The following PLAT variants were observed in gnomAD, a reference collection of about 807,000 sequenced individuals.
The protein encoded by PLAT is tissue-type plasminogen activator.
PLAT carries 48 observed loss-of-function variants against 74.9 expected under a neutral mutation model. The observed-to-expected ratio is 0.64, with a 90% CI of 0.51 to 0.82. PLAT has a LOEUF of 0.82. Ranked by LOEUF, PLAT falls within the 40% of genes least tolerant of loss-of-function variation. The pLI is 0.00. For missense variants in PLAT, 673 were observed against 736.2 expected, an observed-to-expected ratio of 0.91 and a Z score of 0.99; for synonymous variants, 307 against 294.4, an observed-to-expected ratio of 1.04 and a Z score of -0.44.
intron 1 of PLAT, among the ~76,000 whole-genome samples, chr8:42,205,293 G>A (rs184904887): frequency 1.3e-3 from 194 of 152,322 alleles, no homozygotes; most frequent in Middle Eastern, 6.8e-3. Context: ...TCGGGGGGCC[G>A]AGGTGGGTGG....
At chr8:42,183,016 T>C in intron 7 of PLAT, 126 bp from the exon 8 acceptor site, 1 of 664,676 alleles carries the variant, frequency 1.5e-6, no homozygotes, top group South Asian at 1.8e-5. Context: ...CTGAGAAGAG[T>C]GTAACACCTC....
At chr8:42,206,530 C>T (rs1474251973) in intron 1 of PLAT, 1 of 152,250 alleles carries the variant, frequency 6.6e-6, no homozygotes, top group Non-Finnish European at 1.5e-5. Context: ...CATACACACA[C>T]ACACGACATT....
At chr8:42,185,349 C>T (rs535188024) in intron 6 of PLAT, 177 bp from the exon 7 acceptor site, 23 of 428,320 alleles carry the variant, frequency 5.4e-5, no homozygotes, top group African/African-American at 3.5e-4. Context: ...CTGCAACCTC[C>T]GTTTCCTGGA....
chr8:42,191,253 C>T lies in PLAT; in HGVS notation c.115+119G>A, dbSNP rs1235114941. 1.6e-5 allele frequency: 13 copies of T among 803,718 alleles called. No homozygotes were observed. In the Admixed American group the frequency reaches 2.0e-4, roughly 12 times the overall value. The allele number at this position is 803,718 out of a possible 1,614,324, so 49.8% of individuals were successfully genotyped here. A position where few individuals can be genotyped will look rare whatever the true frequency, so the allele number is the denominator to read the frequency against. On this transcript the variant is annotated intron_variant, in intron 3 of 13. Transcript: ENST00000220809. ...TCTGTAGAATCATGCTGCAATGGCA[C>T]TGTCACACCGTAGGCAGGTGGTGGG...
intron 6 of PLAT, chr8:42,186,826 ATCTT>A (rs1805480844): frequency 6.6e-6 from 1 of 151,492 alleles, no homozygotes; most frequent in Non-Finnish European, 1.5e-5. Flanking sequence ...TCATCTATCA[ATCTT>A]CTATCATCTA....
At chr8:42,201,571 C>G (rs1273657203) in intron 1 of PLAT, among the ~76,000 whole-genome samples, 2 of 152,180 alleles carry the variant, frequency 1.3e-5, no homozygotes, top group East Asian at 3.8e-4. Flanking sequence ...AACCAATTCT[C>G]TGCAATTGAT....
intron 1 of PLAT, among the ~76,000 whole-genome samples, chr8:42,202,974 G>A (rs1806192791): frequency 6.6e-6 from 1 of 152,136 alleles, no homozygotes; most frequent in Admixed American, 6.5e-5. Context: ...CATCAGCACA[G>A]CTCCCGACAG....
intron 3 of PLAT, among the ~76,000 whole-genome samples, chr8:42,190,635 C>T (rs538762881): frequency 1.3e-5 from 2 of 152,292 alleles, no homozygotes; most frequent in Admixed American, 6.5e-5. Context: ...GTGACTCGCT[C>T]TGGGGAGTGA....
rs183679882 is a variant in PLAT, at chr8:42,174,802, C to T, written c.*1191G>A. ...AGCCTATGTTCCTCTTCCTGAAGTT[C>T]ACTTCAGACAAGCTCAACTCATTTC... On this transcript the variant is annotated 3_prime_UTR_variant, in exon 14 of 14. Transcript: ENST00000220809. Among the ~76,000 whole-genome samples the T allele has an allele frequency of 4.6e-5, 7 of 152,300 alleles. No homozygotes were observed. Among genetic ancestry groups the T allele is most frequent in the Admixed American group, 2.0e-4 (3 of 15,300 alleles).
At chr8:42,193,827 T>A (rs1805781729) in intron 1 of PLAT, 1 of 152,268 alleles carries the variant, frequency 6.6e-6, no homozygotes, top group South Asian at 2.1e-4. Context: ...GCCATTCTCA[T>A]GTCTCAGCCT....
intron 1 of PLAT, among the ~76,000 whole-genome samples, chr8:42,205,921 T>C (rs747092141): frequency 1.3e-5 from 2 of 152,254 alleles, no homozygotes; most frequent in Non-Finnish European, 1.5e-5. Context: ...GACTGTTTTT[T>C]GGAATCCTTT....
chr8:42,206,562 CAGG>C (rs1806347122), intron 1 of PLAT: 1 of 152,234 alleles, frequency 6.6e-6, no homozygotes, highest in African/African-American at 2.4e-5. Context: ...CAAGCAGCTA[CAGG>C]AGACCACCAT....
At position 42,191,300 on chromosome 8, in the gene PLAT, T is replaced by G. The variant is rs1587937781; in HGVS notation, c.115+72A>C. ...TGGGTGGAAGAAGGCAGGTGGTGGG[T>G]GGGTGATGCACCCTGCACCCCGCCC... On this transcript the variant is annotated intron_variant, in intron 3 of 13. Transcript: ENST00000220809. 2.1e-5 allele frequency: 26 copies of G among 1,214,126 alleles called. No individual in the cohort carries two copies. In the South Asian group the frequency reaches 2.7e-4, roughly 12 times the overall value. 75.2% of individuals were successfully genotyped at this position (1,214,126 alleles called of 1,614,324 possible).
intron 1 of PLAT, among the ~76,000 whole-genome samples, chr8:42,196,848 G>A (rs1183312176): frequency 6.6e-6 from 1 of 151,774 alleles, no homozygotes; most frequent in African/African-American, 2.4e-5. Flanking sequence ...AAAAAAAAAG[G>A]CAAATGAGAA....
At chr8:42,177,065 C>T (rs1007033271) in intron 13 of PLAT, among the ~76,000 whole-genome samples, 1 of 152,156 alleles carries the variant, frequency 6.6e-6, no homozygotes, top group Admixed American at 6.6e-5. Flanking sequence ...CTGCACCCTC[C>T]ACCTCCGGGG....
chr8:42,193,046 C>T (rs1805745878), intron 2 of PLAT, 68 bp downstream of exon 2: 3 of 1,121,956 alleles, frequency 2.7e-6, no homozygotes, highest in African/African-American at 1.5e-5. Flanking sequence ...CAGATGGACA[C>T]AGACCCCTGG....
At position 42,203,992 on chromosome 8, in the gene PLAT, T is replaced by TATATATATATATATATACACACAC. The variant is rs1554499838; in HGVS notation, c.-27+3501_-27+3502insGTGTGTGTATATATATATATATAT. Among the ~76,000 whole-genome samples, 18 of 109,860 alleles carry TATATATATATATATATACACACAC rather than the reference T, an allele frequency of 1.6e-4. 1 individual carries two copies. Among genetic ancestry groups the TATATATATATATATATACACACAC allele is most frequent in the African/African-American group, 8.8e-4 (17 of 19,346 alleles). 72.1% of individuals were successfully genotyped at this position (109,860 alleles called of 152,430 possible). A position where few individuals can be genotyped will look rare whatever the true frequency, so the allele number is the denominator to read the frequency against. ...AATTATATATATATATATATATATA[T>TATATATATATATATATACACACAC]ACACACACACACACACACACACACA... On this transcript the variant is annotated intron_variant, in intron 1 of 13. Transcript: ENST00000220809.
intron 1 of PLAT, among the ~76,000 whole-genome samples, chr8:42,194,231 AGAGAGAGAGAGTGTGTGTGT>A (rs1184341018): frequency 1.9e-4 from 13 of 68,530 alleles, no homozygotes; most frequent in African/African-American, 3.4e-4. Flanking sequence ...AGAGAGAGAG[AGAGAGAGAGAGTGTGTGTGT>A]GTGTGTGTGT....
intron 1 of PLAT, among the ~76,000 whole-genome samples, chr8:42,199,114 G>C (rs537701101): frequency 6.6e-6 from 1 of 152,318 alleles, no homozygotes; most frequent in Admixed American, 6.5e-5. Context: ...GCATAGTACA[G>C]AGGCCATGAT....
Sources: allele counts gnomAD v4.1 joint callset (sites outside exome capture counted in the v4.1 genomes callset), GRCh38; gene constraint gnomAD v4.1.1; transcripts MANE v1.5; gene names NCBI Gene and HGNC (gene_info 2026-07-23, HGNC 2026-07-21).